AGO3: variants seen among roughly 807,000 people sequenced by gnomAD.
The protein encoded by AGO3 is protein argonaute-3.
In AGO3, 16 loss-of-function variants were observed where a neutral mutation model predicts 105.5. The ratio of observed to expected loss-of-function variants is 0.15; its 90% CI spans 0.10 to 0.23. The LOEUF is 0.23. AGO3 is among the 10% of genes least tolerant of loss of function. AGO3 has a pLI of 1.00. For missense variants in AGO3, 534 were observed against 1,088.0 expected (o/e 0.49, Z 7.16); for synonymous variants, 340 against 367.3 (o/e 0.93, Z 0.85).
At chr1:36,004,266 T>C in intron 5 of AGO3, 75 bp from the exon 6 acceptor site, 1 of 1,455,702 alleles carries the variant, frequency 6.9e-7, no homozygotes, top group South Asian at 1.4e-5. Context: ...TAGATAGTTA[T>C]CCTGGAGCCT....
Position 35,973,384 on chromosome 1 carries a change from T to C in AGO3, c.531T>C (p.Pro177=). Residue 177 remains proline (P), a synonymous_variant, in exon 5 of 19, where the codon CCT becomes CCC. Transcript: ENST00000373191. ...LRHLPSMKYT[P]VGRSFFSAPE... ...ATTTTAATTTTTGTAGATACACACC[T>C]GTGGGGCGTTCATTTTTCTCCGCTC... 1 of 1,578,180 alleles carries C rather than the reference T, an allele frequency of 6.3e-7. No homozygotes were observed.
intron 13 of AGO3, among the ~76,000 whole-genome samples, chr1:36,035,214 C>T (rs1641948809): frequency 6.6e-6 from 1 of 152,092 alleles, no homozygotes; most frequent in Non-Finnish European, 1.5e-5. Flanking sequence ...ACAAGCCCAA[C>T]ATGGTGAAAC....
rs549986306 is a variant in AGO3 at position 36,062,500 on chromosome 1, T to C, written c.*6755T>C. ...TATTTTTTCTAGGATGCAGGAACTA[T>C]GAAAAATGATGACAAGGCATTTAAA... On this transcript the variant is annotated 3_prime_UTR_variant, in exon 19 of 19. Transcript: ENST00000373191. 4.6e-5 allele frequency: 7 copies of C among 152,302 alleles called. No homozygotes were observed. Among genetic ancestry groups the C allele is most frequent in the Middle Eastern group, 3.4e-3 (1 of 294 alleles). 9.4% of individuals were successfully genotyped at this position (152,302 alleles called of 1,614,324 possible). A position where few individuals can be genotyped will look rare whatever the true frequency, so the allele number is the denominator to read the frequency against.
intron 5 of AGO3, among the ~76,000 whole-genome samples, chr1:35,979,136 G>A (rs1310846741): frequency 2.6e-5 from 4 of 152,046 alleles, no homozygotes; most frequent in African/African-American, 4.8e-5. Flanking sequence ...AGGCCGAGGC[G>A]GGCGGATCAC....
chr1:36,013,197 C>A (rs1183944414), intron 9 of AGO3, among the ~76,000 whole-genome samples: 1 of 152,018 alleles, frequency 6.6e-6, no homozygotes, highest in African/African-American at 2.4e-5. Flanking sequence ...CCTCAGCCTC[C>A]CAAAGTGCTG....
chr1:36,031,481 ATT>A (rs35021187), intron 12 of AGO3, among the ~76,000 whole-genome samples: 2 of 149,350 alleles, frequency 1.3e-5, no homozygotes, highest in African/African-American at 4.9e-5. Flanking sequence ...TTTCTCCTTC[ATT>A]TTTTTTTTTG....
At chr1:35,955,020 G>A (rs1478313915) in intron 2 of AGO3, among the ~76,000 whole-genome samples, 3 of 152,254 alleles carry the variant, frequency 2.0e-5, no homozygotes, top group African/African-American at 7.2e-5. Context: ...GGTATGACAT[G>A]TTGGTATAAC....
intron 5 of AGO3, among the ~76,000 whole-genome samples, chr1:35,979,948 C>A (rs950425850): frequency 6.6e-6 from 1 of 152,114 alleles, no homozygotes; most frequent in African/African-American, 2.4e-5. Context: ...TCTGTCAAGT[C>A]ACAACCATTG....
chr1:35,940,137 G>A (rs995269811), intron 1 of AGO3, among the ~76,000 whole-genome samples: 2 of 151,904 alleles, frequency 1.3e-5, no homozygotes, highest in African/African-American at 4.8e-5. Context: ...CATGATCTTG[G>A]CTGACTGCAA....
intron 1 of AGO3, among the ~76,000 whole-genome samples, chr1:35,934,002 C>CA (rs568183256): frequency 2.2e-4 from 33 of 149,464 alleles, no homozygotes; most frequent in East Asian, 7.8e-4. Context: ...TTTGATTTAA[C>CA]AAAAAAAAAG....
intron 2 of AGO3, among the ~76,000 whole-genome samples, chr1:35,959,304 C>T (rs1474860694): frequency 6.6e-6 from 1 of 152,018 alleles, no homozygotes; most frequent in Non-Finnish European, 1.5e-5. Flanking sequence ...AGGCTGTACC[C>T]CTTTAGAAGA....
chr1:35,960,282 A>C (rs550886285), intron 2 of AGO3, among the ~76,000 whole-genome samples: 2 of 152,094 alleles, frequency 1.3e-5, no homozygotes, highest in Non-Finnish European at 2.9e-5. Flanking sequence ...ATATCCTTTG[A>C]GATAAGAAAT....
intron 11 of AGO3, among the ~76,000 whole-genome samples, chr1:36,024,977 CCTCT>C (rs149289033): frequency 0.015 from 2,322 of 152,168 alleles, 50 homozygotes; most frequent in African/African-American, 0.053. Flanking sequence ...CCATCAGTAT[CCTCT>C]CTATTTGTGC....
Position 36,071,150 on chromosome 1 carries a change from CTAAAGCG to C in AGO3, c.*15408_*15414del, listed in dbSNP as rs1449709294. ...ACAATGCACATACAAACATACACCC[CTAAAGCG>C]TAGCTAACTGCTCCCACTAGATAAT... is the stretch of plus-strand genomic sequence containing the variant. On this transcript the variant is annotated 3_prime_UTR_variant, in exon 19 of 19. Transcript: ENST00000373191. The C allele has an allele frequency of 2.6e-5, 4 of 152,218 alleles. No individual in the cohort carries two copies. The East Asian group carries it at 7.7e-4, about 29-fold the overall frequency. 9.4% of individuals were successfully genotyped at this position (152,218 alleles called of 1,614,324 possible).
chr1:36,007,492 T>A (rs1402748449), intron 6 of AGO3, among the ~76,000 whole-genome samples: 1 of 151,528 alleles, frequency 6.6e-6, no homozygotes, highest in East Asian at 1.9e-4. Context: ...AGGTCTGGAG[T>A]TCAAGACCAG....
In AGO3 at chr1:36,064,585, GT is replaced by G. The variant is rs921827328; in HGVS notation, c.*8841del. ...GCTCAATGTATGACATTTTACTGTAGTGTATTCCACTGAGAGGCAAGGAAAT... is the reference window on the plus strand; with the variant it reads ...GCTCAATGTATGACATTTTACTGTAGGTATTCCACTGAGAGGCAAGGAAAT... On this transcript the variant is annotated 3_prime_UTR_variant, in exon 19 of 19. Coordinates refer to ENST00000373191, the MANE Select transcript of AGO3 (RefSeq NM_024852.4). 2.0e-5 allele frequency: 3 copies of G among 152,068 alleles called. No homozygotes were observed. The highest frequency in any genetic ancestry group is 7.2e-5 in the African/African-American group (3 of 41,380). 9.4% of individuals were successfully genotyped at this position (152,068 alleles called of 1,614,324 possible).
intron 17 of AGO3, among the ~76,000 whole-genome samples, chr1:36,044,435 T>C (rs1642379831): frequency 1.3e-5 from 2 of 152,074 alleles, no homozygotes; most frequent in Non-Finnish European, 2.9e-5. Flanking sequence ...TTTGTTTGTT[T>C]GTTTTTGAGA....
chr1:35,957,411 A>G (rs141778237), intron 2 of AGO3, among the ~76,000 whole-genome samples: 85 of 152,046 alleles, frequency 5.6e-4, no homozygotes, highest in African/African-American at 1.9e-3. Context: ...TGAAATGACT[A>G]CAAACATAGT....
rs1250483941 is a variant in AGO3, at chr1:36,039,855, A to G, written c.1908A>G (p.Arg636=). The change falls in exon 15 of 19, where the codon CGA becomes CGG. Residue 636 remains arginine, a synonymous_variant. Transcript: ENST00000373191. ...CCACAGTAAGAGTTCAGAGACCCCG[A>G]CAGGAGATCATCCAGGACTTGGCCT... ...YCATVRVQRP[R]QEIIQDLASM... is the part of the protein sequence containing the mutation. 1.2e-6 allele frequency: 2 copies of G among 1,613,904 alleles called. No individual in the cohort carries two copies. Among genetic ancestry groups the G allele is most frequent in the South Asian group, 2.2e-5 (2 of 91,064 alleles).
Sources: allele counts gnomAD v4.1 joint callset (sites outside exome capture counted in the v4.1 genomes callset), GRCh38; gene constraint gnomAD v4.1.1; transcripts MANE v1.5; gene names NCBI Gene and HGNC (gene_info 2026-07-23, HGNC 2026-07-21).